Variants in FRMD3 observed in about 807,000 individuals in gnomAD.
FRMD3 encodes FERM domain containing 3, also known as FERM domain-containing protein 3.
In FRMD3, 33 loss-of-function variants were observed where a neutral mutation model predicts 70.2. The ratio of observed to expected loss-of-function variants is 0.47; its 90% CI spans 0.36 to 0.63. The LOEUF (loss-of-function observed/expected upper bound fraction) is 0.63. Ranked by LOEUF, FRMD3 falls within the 20% of genes least tolerant of loss-of-function variation. FRMD3 has a pLI of 0.00. For synonymous variants in FRMD3, 279 were observed against 255.9 expected, an observed-to-expected ratio of 1.09 and a Z score of -0.86; for missense variants, 632 against 711.4, an observed-to-expected ratio of 0.89 and a Z score of 1.27.
intron 3 of FRMD3, among the ~76,000 whole-genome samples, chr9:83,356,210 C>T (rs368604514): frequency 2.8e-4 from 43 of 151,390 alleles, no homozygotes; most frequent in African/African-American, 9.2e-4. Flanking sequence ...GACCAACAAC[C>T]TCAGTCAAAT....
intron 5 of FRMD3, among the ~76,000 whole-genome samples, chr9:83,342,728 ATAGATAGT>A (rs369010521): frequency 0.11 from 16,160 of 141,034 alleles, 910 homozygotes; most frequent in Middle Eastern, 0.13. Flanking sequence ...AGATAGATAG[ATAGATAGT>A]TAGATAGACA....
downstream of FRMD3, chr9:83,244,612 T>C (rs970521177): frequency 7.3e-6 from 7 of 961,180 alleles, no homozygotes; most frequent in South Asian, 9.6e-5. Flanking sequence ...AACTGAATGA[T>C]TGCAAAAAAT....
At chr9:83,570,778 A>T in the FRMD3 span, among the ~76,000 whole-genome samples, 14 of 152,212 alleles carry the variant, frequency 9.2e-5, no homozygotes, top group African/African-American at 3.4e-4. Flanking sequence ...ACACATGAAG[A>T]GAGGCAAGGG....
At chr9:83,330,879 A>T (rs1836230442) in intron 6 of FRMD3, among the ~76,000 whole-genome samples, 1 of 152,212 alleles carries the variant, frequency 6.6e-6, no homozygotes, top group African/African-American at 2.4e-5. Flanking sequence ...AGGCCCAAAG[A>T]TGCCTGTATA....
Position 83,245,215 on chromosome 9 carries a change from A to G in FRMD3, c.*2703T>C. 3 of 979,864 alleles carry G rather than the reference A, an allele frequency of 3.1e-6. No homozygotes were observed. Among genetic ancestry groups the G allele is most frequent in the Non-Finnish European group, 3.6e-6 (3 of 824,844 alleles). The allele number at this position is 979,864 out of a possible 1,614,324, so 60.7% of individuals were successfully genotyped here. On this transcript the variant is annotated 3_prime_UTR_variant, in exon 14 of 14. Transcript: ENST00000304195. ...CAGATTCATATATAAACACACATAT[A>G]CCAATAATATGGAATATACATATAC...
At chr9:83,397,066 C>T (rs1259793394) in intron 1 of FRMD3, among the ~76,000 whole-genome samples, 3 of 152,154 alleles carry the variant, frequency 2.0e-5, no homozygotes, top group Non-Finnish European at 4.4e-5. Context: ...GGAGCAGAGT[C>T]CATTGACTGC....
At chr9:83,447,110 GC>G (rs1416893596) in intron 1 of FRMD3, among the ~76,000 whole-genome samples, 1 of 152,094 alleles carries the variant, frequency 6.6e-6, no homozygotes, top group Non-Finnish European at 1.5e-5. Context: ...TGCAAGCTCT[GC>G]CTCCCTGGTT....
At chr9:83,324,129 T>C (rs967625870) in intron 6 of FRMD3, among the ~76,000 whole-genome samples, 5 of 152,218 alleles carry the variant, frequency 3.3e-5, no homozygotes, top group Non-Finnish European at 7.3e-5. Context: ...TAAAGACCTA[T>C]GGCTGTATGT....
intron 1 of FRMD3, among the ~76,000 whole-genome samples, chr9:83,447,218 T>C (rs1036959446): frequency 6.6e-6 from 1 of 151,998 alleles, no homozygotes; most frequent in Non-Finnish European, 1.5e-5. Context: ...AGAGACAGGG[T>C]TTCATCATGT....
intron 1 of FRMD3, among the ~76,000 whole-genome samples, chr9:83,495,933 A>G (rs1351019464): frequency 6.6e-6 from 1 of 152,260 alleles, no homozygotes; most frequent in Non-Finnish European, 1.5e-5. Context: ...ATTTAAAACT[A>G]CCAATGGCTG....
intron 1 of FRMD3, among the ~76,000 whole-genome samples, chr9:83,402,248 G>A (rs1200858569): frequency 6.7e-6 from 1 of 148,578 alleles, no homozygotes; most frequent in Non-Finnish European, 1.5e-5. Context: ...CGCCCCAGGA[G>A]CCTAACAAGG....
intron 4 of FRMD3, among the ~76,000 whole-genome samples, chr9:83,347,917 C>G (rs10867995): frequency 0.31 from 47,417 of 151,946 alleles, 7,766 homozygotes; most frequent in Non-Finnish European, 0.35. Flanking sequence ...TTTGGAAACT[C>G]AAAGGGTCAC....
rs999014573 is a variant in FRMD3 at position 83,302,569 on chromosome 9, T to C, written c.927-3383A>G. Among the ~76,000 whole-genome samples, 10 of 152,234 alleles carry C rather than the reference T, an allele frequency of 6.6e-5. No homozygotes were observed. The East Asian group carries it at 1.9e-3, about 29-fold the overall frequency. ...ATTTGAAAGCACCTAGCATCATACC[T>C]GCTCATTATATAATAGTTTCCCTTC... On this transcript the variant is annotated intron_variant, in intron 10 of 13. Transcript: ENST00000304195.
intron 10 of FRMD3, among the ~76,000 whole-genome samples, chr9:83,303,101 G>T (rs1834987420): frequency 6.6e-6 from 1 of 152,182 alleles, no homozygotes; most frequent in Non-Finnish European, 1.5e-5. Context: ...ACATTGGGTG[G>T]TGCTCCAAGA....
chr9:83,462,724 T>TC (rs1828010261), intron 1 of FRMD3, among the ~76,000 whole-genome samples: 4 of 152,318 alleles, frequency 2.6e-5, no homozygotes, highest in African/African-American at 9.6e-5. Context: ...AGCTGCCATC[T>TC]TCCAGCAATT....
intron 1 of FRMD3, among the ~76,000 whole-genome samples, chr9:83,526,668 A>G (rs1829689780): frequency 6.6e-6 from 1 of 152,014 alleles, no homozygotes. Context: ...TATCTTTTCT[A>G]TCTTCCCCCA....
chr9:83,494,858 TGCGCGCGC>T lies in FRMD3; in HGVS notation c.147+43219_147+43226del, dbSNP rs67136269. 3.5e-4 allele frequency among the ~76,000 whole-genome samples: 52 copies of T among 148,796 alleles called. 1 individual carries two copies. Among genetic ancestry groups the T allele is most frequent in the South Asian group, 2.7e-3 (13 of 4,766 alleles). On this transcript the variant is annotated intron_variant, in intron 1 of 13. Transcript: ENST00000304195. ...ATGTGTGTGTGTGTGTGTGTGTGTGTGCGCGCGCGCATGTGCGTGTGTATATATATGAT... is the reference window on the plus strand; with the variant it reads ...ATGTGTGTGTGTGTGTGTGTGTGTGTGCATGTGCGTGTGTATATATATGAT...
At chr9:83,394,759 C>T (rs1449831211) in intron 1 of FRMD3, among the ~76,000 whole-genome samples, 2 of 152,120 alleles carry the variant, frequency 1.3e-5, no homozygotes, top group African/African-American at 4.8e-5. Flanking sequence ...TTTACAATCA[C>T]AAACTAGCCT....
chr9:83,497,833 G>A (rs1233432503), intron 1 of FRMD3, among the ~76,000 whole-genome samples: 1 of 152,194 alleles, frequency 6.6e-6, no homozygotes, highest in Non-Finnish European at 1.5e-5. Flanking sequence ...ACTTTGGGGT[G>A]TTAAGACGCT....
Sources: allele counts gnomAD v4.1 joint callset (sites outside exome capture counted in the v4.1 genomes callset), GRCh38; gene constraint gnomAD v4.1.1; transcripts MANE v1.5; gene names NCBI Gene and HGNC (gene_info 2026-07-23, HGNC 2026-07-21).